The following KCNAB1 variants were observed in gnomAD, a reference collection of about 807,000 sequenced individuals.
The protein encoded by KCNAB1 is potassium voltage-gated channel subfamily A regulatory beta subunit 1, also known as voltage-gated potassium channel subunit beta-1.
A neutral mutation model predicts 64.6 loss-of-function variants in KCNAB1; 35 were observed. The observed-to-expected ratio is 0.54, with a 90% CI of 0.41 to 0.72. The LOEUF is 0.72. Among genes scored for constraint, KCNAB1 ranks in the 30% least tolerant of loss-of-function variants. KCNAB1 has a pLI of 0.00. For synonymous variants in KCNAB1, 177 were observed against 183.8 expected, an observed-to-expected ratio of 0.96 and a Z score of 0.30; for missense variants, 401 against 512.9, an observed-to-expected ratio of 0.78 and a Z score of 2.11.
intron 1 of KCNAB1, among the ~76,000 whole-genome samples, chr3:156,224,946 A>C (rs535363798): frequency 6.6e-6 from 1 of 152,206 alleles, no homozygotes; most frequent in Non-Finnish European, 1.5e-5. Context: ...TCAACAAAAA[A>C]AAGTTCAGGA....
At chr3:156,518,591 G>A (rs1717721249) in intron 11 of KCNAB1, among the ~76,000 whole-genome samples, 1 of 152,066 alleles carries the variant, frequency 6.6e-6, no homozygotes, top group Non-Finnish European at 1.5e-5. Flanking sequence ...TAAATAGTTT[G>A]TGTTTCACAT....
intron 6 of KCNAB1, 145 bp downstream of exon 6, chr3:156,463,891 A>G: frequency 1.7e-6 from 1 of 575,552 alleles, no homozygotes; most frequent in Non-Finnish European, 3.0e-6. Context: ...TCTCACACTA[A>G]GGAAATAGCA....
chr3:156,384,724 G>A (rs961971164), intron 1 of KCNAB1, among the ~76,000 whole-genome samples: 1 of 152,208 alleles, frequency 6.6e-6, no homozygotes, highest in African/African-American at 2.4e-5. Context: ...CACTGGCACA[G>A]GAACCGCATC....
chr3:156,121,011 G>A, intron 1 of KCNAB1, 125 bp downstream of exon 1: 1 of 1,124,764 alleles, frequency 8.9e-7, no homozygotes, highest in Non-Finnish European at 1.2e-6. Flanking sequence ...AGAGATGATT[G>A]GCACTTCAGA....
chr3:156,443,019 C>G (rs933342776), intron 2 of KCNAB1, among the ~76,000 whole-genome samples: 4 of 152,074 alleles, frequency 2.6e-5, no homozygotes, highest in African/African-American at 9.7e-5. Flanking sequence ...AGTTTGGGGG[C>G]AGAGATAGGT....
At chr3:156,276,808 A>G (rs1719376309) in intron 1 of KCNAB1, among the ~76,000 whole-genome samples, 1 of 152,108 alleles carries the variant, frequency 6.6e-6, no homozygotes, top group Admixed American at 6.6e-5. Flanking sequence ...GGCTGGTTTG[A>G]TCTTCTATCC....
Position 156,515,238 on chromosome 3 carries a change from A to G in KCNAB1, c.865+18A>G, listed in dbSNP as rs17317854. On this transcript the variant is annotated intron_variant, in intron 10 of 13. Coordinates refer to ENST00000490337, the MANE Select transcript of KCNAB1 (RefSeq NM_172160.3). ...CAAAATAGGTAATCTTCAAAATAAAAGCTACTGAGTATTTTTAACAAGAGA... is the reference window on the plus strand; with the variant it reads ...CAAAATAGGTAATCTTCAAAATAAAGGCTACTGAGTATTTTTAACAAGAGA... 122,718 of 1,593,598 alleles carry G rather than the reference A, an allele frequency of 0.077. 5,375 individuals carry two copies. Among genetic ancestry groups the G allele is most frequent in the Non-Finnish European group, 0.09 (104,910 of 1,171,380 alleles).
chr3:156,175,709 G>A, intron 1 of KCNAB1: 1 of 525,670 alleles, frequency 1.9e-6, no homozygotes, highest in South Asian at 1.6e-5. Context: ...AAATGGGATA[G>A]CAGTGGTTTT....
chr3:156,371,954 T>C (rs1726332491), intron 1 of KCNAB1, among the ~76,000 whole-genome samples: 2 of 152,174 alleles, frequency 1.3e-5, no homozygotes, highest in South Asian at 2.1e-4. Context: ...TGTAGCAAAC[T>C]GTTGATAAAA....
chr3:156,449,376 T>C (rs865943187), intron 2 of KCNAB1, among the ~76,000 whole-genome samples: 10 of 152,196 alleles, frequency 6.6e-5, no homozygotes, highest in Admixed American at 4.6e-4. Flanking sequence ...GTTGGTTTTT[T>C]TCAGATTAAT....
chr3:156,423,371 T>A (rs558838318), intron 2 of KCNAB1, among the ~76,000 whole-genome samples: 1 of 152,092 alleles, frequency 6.6e-6, no homozygotes. Flanking sequence ...AGAAGCAGAG[T>A]ACATGGGCTT....
intron 8 of KCNAB1, among the ~76,000 whole-genome samples, chr3:156,513,580 T>G (rs923000793): frequency 4.6e-5 from 7 of 152,226 alleles, no homozygotes; most frequent in Non-Finnish European, 8.8e-5. Flanking sequence ...CATGCTCTCT[T>G]GTTCTGCAGC....
At chr3:156,532,458 T>A (rs1386578056) in intron 13 of KCNAB1, among the ~76,000 whole-genome samples, 2 of 152,226 alleles carry the variant, frequency 1.3e-5, no homozygotes, top group African/African-American at 4.8e-5. Context: ...TTTCTCTTGC[T>A]CATGGAGGAA....
rs1717559863 is a variant in KCNAB1, at chr3:156,516,368, T to C, written c.960+4T>C. The C allele has an allele frequency of 1.3e-6, 2 of 1,599,432 alleles. No homozygotes were observed. Among genetic ancestry groups the C allele is most frequent in the Middle Eastern group, 1.7e-4 (1 of 6,054 alleles). On this transcript the variant is annotated splice_donor_region_variant and intron_variant, in intron 11 of 13. Transcript: ENST00000490337. The stretch of plus-strand genomic sequence containing the variant: ...AAGTTCCAGGGCTTCACTGAAGGTA[T>C]TTTTCTCAATGTCTAGAAAAAAGCC...
rs191878246 is a variant in KCNAB1 at position 156,353,471 on chromosome 3, A to C, written c.276-68145A>C. ...GTTGTCTATTGCTGTGTAACAAATC[A>C]CTTCAAAATTTAGCAGTTTCAAGCC... On this transcript the variant is annotated intron_variant, in intron 1 of 13. Coordinates refer to ENST00000490337, the MANE Select transcript of KCNAB1 (RefSeq NM_172160.3). 3.6e-3 allele frequency among the ~76,000 whole-genome samples: 552 copies of C among 152,310 alleles called. 12 individuals carry two copies. Among genetic ancestry groups the C allele is most frequent in the Non-Finnish European group, 8.4e-4 (57 of 68,028 alleles).
At chr3:156,475,908 A>T (rs1714304152) in intron 8 of KCNAB1, among the ~76,000 whole-genome samples, 3 of 152,196 alleles carry the variant, frequency 2.0e-5, no homozygotes, top group South Asian at 2.1e-4. Flanking sequence ...TGTAAAATAT[A>T]TATAGTCTTA....
chr3:156,479,073 A>G (rs148448589), intron 8 of KCNAB1, among the ~76,000 whole-genome samples: 144 of 152,186 alleles, frequency 9.5e-4, no homozygotes, highest in Middle Eastern at 3.4e-3. Context: ...TGGTTCACCT[A>G]GTAGTAAGTC....
chr3:156,353,499 A>G (rs1724992459), intron 1 of KCNAB1, among the ~76,000 whole-genome samples: 2 of 152,232 alleles, frequency 1.3e-5, no homozygotes, highest in Non-Finnish European at 1.5e-5. Flanking sequence ...TTCAAGCCAC[A>G]TTTAATGTCT....
chr3:156,386,643 C>T (rs1712616057), intron 1 of KCNAB1, among the ~76,000 whole-genome samples: 2 of 152,120 alleles, frequency 1.3e-5, no homozygotes, highest in East Asian at 3.9e-4. Flanking sequence ...CTGCCCTGCT[C>T]ATGCCTGTCT....
Sources: gnomAD v4.1 joint callset for allele counts (sites outside exome capture counted in the v4.1 genomes callset) on GRCh38, gnomAD v4.1.1 for gene constraint, MANE v1.5 for transcripts, NCBI Gene and HGNC (gene_info 2026-07-23, HGNC 2026-07-21) for gene names.